WDR59: variants seen among roughly 807,000 people sequenced by gnomAD.
WDR59 encodes the protein GATOR2 complex protein WDR59.
Under a neutral mutation model 131.2 loss-of-function variants are expected in WDR59, and 100 were observed. The observed-to-expected ratio is 0.76, with a 90% confidence interval of 0.65 to 0.90. The LOEUF (loss-of-function observed/expected upper bound fraction) is 0.90. WDR59 is among the 40% of genes least tolerant of loss of function. WDR59 has a pLI of 0.00. For missense variants in WDR59, 1,203 were observed against 1,262.2 expected, an observed-to-expected ratio of 0.95 and a Z score of 0.71; for synonymous variants, 601 against 466.2, an observed-to-expected ratio of 1.29 and a Z score of -3.72.
At position 74,893,708 on chromosome 16, in the gene WDR59, A is replaced by G. The variant is rs372621111; in HGVS notation, c.1971T>C (p.Pro657=). The change falls in exon 19 of 26, where the codon CCT becomes CCC. Residue 657 remains proline, a synonymous_variant. Transcript: ENST00000262144. ...ACAGCTCTCCCAGCGATTTGTGAACAGGCAGGAGGCAAGCAATATCCTGGA... is the reference window on the plus strand; with the variant it reads ...ACAGCTCTCCCAGCGATTTGTGAACGGGCAGGAGGCAAGCAATATCCTGGA... ...VIIQDIACLL[P]VHKSLGELYI... 6.5e-5 allele frequency: 105 copies of G among 1,614,042 alleles called. 1 individual carries two copies. The highest frequency in any genetic ancestry group is 2.0e-5 in the Non-Finnish European group (24 of 1,180,024).
intron 8 of WDR59, 81 bp downstream of exon 8, chr16:74,938,069 G>T: frequency 1.0e-6 from 1 of 995,034 alleles, no homozygotes; most frequent in Non-Finnish European, 1.4e-6. Flanking sequence ...ACACACTGCA[G>T]CTTTCCAACC....
chr16:74,951,019 G>A (rs907807031), intron 4 of WDR59, among the ~76,000 whole-genome samples: 1 of 151,844 alleles, frequency 6.6e-6, no homozygotes, highest in South Asian at 2.1e-4. Flanking sequence ...AATTAGCCGG[G>A]CGTGGTGGTG....
At chr16:74,967,933 G>A (rs1483351014) in intron 1 of WDR59, among the ~76,000 whole-genome samples, 1 of 151,576 alleles carries the variant, frequency 6.6e-6, no homozygotes, top group African/African-American at 2.4e-5. Flanking sequence ...TAAACAAAAT[G>A]TGGTACAGAC....
intron 7 of WDR59, among the ~76,000 whole-genome samples, chr16:74,938,776 G>A (rs1293898140): frequency 1.3e-5 from 2 of 151,642 alleles, no homozygotes; most frequent in African/African-American, 4.8e-5. Context: ...GGGCTCAAGC[G>A]AACCCCCTGC....
At chr16:74,879,491 G>T (rs559282613) in intron 25 of WDR59, among the ~76,000 whole-genome samples, 1 of 152,318 alleles carries the variant, frequency 6.6e-6, no homozygotes, top group South Asian at 2.1e-4. Context: ...AAGTAGATGG[G>T]TAGAGAATCC....
chr16:74,952,056 A>G (rs1344795691), intron 3 of WDR59, among the ~76,000 whole-genome samples: 1 of 151,664 alleles, frequency 6.6e-6, no homozygotes, highest in Non-Finnish European at 1.5e-5. Context: ...GGCTCAAACA[A>G]TCCCCTTGCC....
In WDR59 at chr16:74,874,157, C is replaced by T. The variant is rs1784733197; in HGVS notation, c.*52G>A. On this transcript the variant is annotated 3_prime_UTR_variant, in exon 26 of 26. Transcript: ENST00000262144. ...CTCTCCCCTGACAGACAGCTTGTCA[C>T]CGGCACTTATGGGTCCTCTGGGATT... is the stretch of plus-strand genomic sequence containing the variant. 1 of 1,480,532 alleles carries T rather than the reference C, an allele frequency of 6.8e-7. No homozygotes were observed. The highest frequency in any genetic ancestry group is 1.4e-5 in the African/African-American group (1 of 72,076). The allele number at this position is 1,480,532 out of a possible 1,614,324, so 91.7% of individuals were successfully genotyped here.
At position 74,906,759 on chromosome 16, in the gene WDR59, C is replaced by G. The variant is rs1243063687; in HGVS notation, c.1712+2149G>C. Among the ~76,000 whole-genome samples, 3 of 152,188 alleles carry G rather than the reference C, an allele frequency of 2.0e-5. No homozygotes were observed. In the East Asian group the frequency reaches 5.8e-4, roughly 29 times the overall value. ...CAGACATAAAACAGGTCATGCCGCACTATTCCACTTCAATGAAGTTCAAGA... is the reference window on the plus strand; with the variant it reads ...CAGACATAAAACAGGTCATGCCGCAGTATTCCACTTCAATGAAGTTCAAGA... On this transcript the variant is annotated intron_variant, in intron 17 of 25. Coordinates refer to ENST00000262144, the MANE Select transcript of WDR59 (RefSeq NM_030581.4).
intron 25 of WDR59, among the ~76,000 whole-genome samples, chr16:74,880,425 G>C (rs1267580894): frequency 6.6e-6 from 1 of 151,670 alleles, no homozygotes; most frequent in East Asian, 1.9e-4. Context: ...CCAGCCTGGG[G>C]GACAGAGTGA....
Position 74,904,080 on chromosome 16 carries a change from G to A in WDR59, c.1733C>T (p.Ala578Val), listed in dbSNP as rs761933419. ...PTPRSLSALSAYHTGLIAPMK... is the reference protein window; with the variant it reads ...PTPRSLSALSVYHTGLIAPMK... ...GGGCGCGATCAAGCCAGTGTGATAAGCAGACAAGGCTGAGAGAGATCTGTA... is the reference window on the plus strand; with the variant it reads ...GGGCGCGATCAAGCCAGTGTGATAAACAGACAAGGCTGAGAGAGATCTGTA... The change falls in exon 18 of 26, where the codon GCT becomes GTT. Residue 578 changes from alanine to valine, a missense_variant. Ala to Val is a moderately conservative substitution (Grantham distance 64, BLOSUM62 0). Coordinates refer to ENST00000262144, the MANE Select transcript of WDR59 (RefSeq NM_030581.4). The A allele has an allele frequency of 3.1e-6, 5 of 1,613,356 alleles. No homozygotes were observed. The highest frequency in any genetic ancestry group is 1.3e-5 in the African/African-American group (1 of 74,936).
intron 18 of WDR59, among the ~76,000 whole-genome samples, chr16:74,894,371 C>T (rs1965188498): frequency 6.6e-6 from 1 of 152,120 alleles, no homozygotes; most frequent in Admixed American, 6.5e-5. Context: ...AGTGATCGTT[C>T]TCAATGTCAA....
At chr16:74,885,529 A>G (rs1345345076) in intron 25 of WDR59, 124 bp downstream of exon 25, 1 of 1,233,436 alleles carries the variant, frequency 8.1e-7, no homozygotes, top group East Asian at 2.6e-5. Flanking sequence ...TAGACTCAAA[A>G]TGCCTCAGAA....
intron 8 of WDR59, among the ~76,000 whole-genome samples, chr16:74,932,727 G>A (rs2031497495): frequency 6.6e-6 from 1 of 152,132 alleles, no homozygotes; most frequent in Admixed American, 6.6e-5. Context: ...GGGCTCAAGT[G>A]ATCCTCCCTC....
At chr16:74,945,589 CA>C (rs1298747852) in intron 6 of WDR59, among the ~76,000 whole-genome samples, 1 of 152,124 alleles carries the variant, frequency 6.6e-6, no homozygotes, top group Admixed American at 6.6e-5. Context: ...CCTCTGCAGC[CA>C]GTCTATGTCT....
At position 74,882,284 on chromosome 16, in the gene WDR59, A is replaced by G. The variant is rs185584364; in HGVS notation, c.2689+3369T>C. Among the ~76,000 whole-genome samples, 59 of 152,370 alleles carry G rather than the reference A, an allele frequency of 3.9e-4. No homozygotes were observed. In the East Asian group the frequency reaches 6.6e-3, roughly 17 times the overall value. ...AGGCCATCATTAATCTTTTCCTGAG[A>G]TACTTTCATACATTTAGATGCTCTG... On this transcript the variant is annotated intron_variant, in intron 25 of 25. Transcript: ENST00000262144.
chr16:74,934,942 A>T (rs556496032), intron 8 of WDR59, among the ~76,000 whole-genome samples: 148 of 152,234 alleles, frequency 9.7e-4, no homozygotes, highest in African/African-American at 3.3e-3. Context: ...GAATGTAGCA[A>T]GGGTGGTCGG....
At chr16:74,923,417 A>G (rs2030451205) in intron 9 of WDR59, among the ~76,000 whole-genome samples, 1 of 152,064 alleles carries the variant, frequency 6.6e-6, no homozygotes. Flanking sequence ...TTCTCTGTGG[A>G]GCTTTGATCA....
At chr16:74,874,547 T>A (rs1964116202) in intron 25 of WDR59, 103 bp from the exon 26 acceptor site, 1 of 850,772 alleles carries the variant, frequency 1.2e-6, no homozygotes, top group East Asian at 2.6e-5. Context: ...CTCTCAAGAC[T>A]CTAGCAGATT....
At chr16:74,913,736 T>G (rs1269745071) in intron 13 of WDR59, among the ~76,000 whole-genome samples, 1 of 151,974 alleles carries the variant, frequency 6.6e-6, no homozygotes, top group Non-Finnish European at 1.5e-5. Flanking sequence ...GGAAAATCCA[T>G]AGGGGAAGAA....
Sources: gnomAD v4.1 joint callset for allele counts (sites outside exome capture counted in the v4.1 genomes callset) on GRCh38, gnomAD v4.1.1 for gene constraint, MANE v1.5 for transcripts, NCBI Gene and HGNC (gene_info 2026-07-23, HGNC 2026-07-21) for gene names.